The following PLCB1 variants were observed in gnomAD, a reference collection of about 807,000 sequenced individuals.
PLCB1 encodes phospholipase C beta 1, also known as 1-phosphatidylinositol 4,5-bisphosphate phosphodiesterase beta-1.
PLCB1 carries 46 observed loss-of-function variants against 161.8 expected under a neutral mutation model. The ratio of observed to expected loss-of-function variants is 0.28; its 90% CI spans 0.22 to 0.36. PLCB1 has a LOEUF of 0.36. Ranked by LOEUF, PLCB1 falls within the 10% of genes least tolerant of loss-of-function variation. The pLI, the probability that PLCB1 is intolerant of heterozygous loss-of-function variation, is 1.00. For missense variants in PLCB1, 1,016 were observed against 1,472.5 expected, an observed-to-expected ratio of 0.69 and a Z score of 5.07; for synonymous variants, 517 against 503.7, an observed-to-expected ratio of 1.03 and a Z score of -0.35.
intron 3 of PLCB1, among the ~76,000 whole-genome samples, chr20:8,556,321 G>T (rs1985950852): frequency 6.6e-6 from 1 of 152,014 alleles, no homozygotes; most frequent in African/African-American, 2.4e-5. Flanking sequence ...CAGAAAAGCA[G>T]CCATGTAGAG....
Position 8,723,385 on chromosome 20 carries a change from G to C in PLCB1, c.1581+964G>C, listed in dbSNP as rs183223938. On this transcript the variant is annotated intron_variant, in intron 15 of 31. Coordinates refer to ENST00000338037, the MANE Select transcript of PLCB1 (RefSeq NM_015192.4). Reference sequence around the variant, plus strand: ...AATGAATGTTTCCCAGTTAACATTTGACCCAAATATTACTACCAGAATTTT... The same window carrying C: ...AATGAATGTTTCCCAGTTAACATTTCACCCAAATATTACTACCAGAATTTT... 3.7e-3 allele frequency among the ~76,000 whole-genome samples: 565 copies of C among 152,132 alleles called. 2 individuals are homozygous for C. Among genetic ancestry groups the C allele is most frequent in the Non-Finnish European group, 6.6e-3 (446 of 67,984 alleles).
Position 8,685,077 on chromosome 20 carries a change from A to G in PLCB1, c.1008A>G (p.Thr336=). 6.2e-7 allele frequency: 1 copy of G among 1,613,520 alleles called. No individual in the cohort carries two copies. The highest frequency in any genetic ancestry group is 8.5e-7 in the Non-Finnish European group (1 of 1,179,548). The change falls in exon 10 of 32, where the codon ACA becomes ACG. Residue 336 remains threonine (T), a splice_region_variant and synonymous_variant. Transcript: ENST00000338037. The part of the protein sequence containing the change: ...FINSSHNTYL[T]AGQLAGNSSV... ...ATTCCTCGCACAACACCTACCTCAC[A>G]GGTATGAATTTTCTAGTTCTTTGTT...
At chr20:8,261,343 G>A (rs67432256) in intron 2 of PLCB1, among the ~76,000 whole-genome samples, 11,405 of 152,080 alleles carry the variant, frequency 0.075, 509 homozygotes, top group East Asian at 0.16. Flanking sequence ...TTAACAATCA[G>A]GTAAGAACCC....
chr20:8,570,214 C>T (rs1986461525), intron 3 of PLCB1, among the ~76,000 whole-genome samples: 1 of 152,136 alleles, frequency 6.6e-6, no homozygotes. Context: ...CTATCAGCTA[C>T]AAGCCTGTCG....
intron 10 of PLCB1, among the ~76,000 whole-genome samples, chr20:8,690,662 T>C (rs1301298663): frequency 2.0e-5 from 3 of 152,194 alleles, no homozygotes; most frequent in Non-Finnish European, 4.4e-5. Flanking sequence ...AGGTTACGAA[T>C]CTTGTGACTT....
intron 3 of PLCB1, among the ~76,000 whole-genome samples, chr20:8,409,904 TC>T (rs34197579): frequency 6.6e-6 from 1 of 151,890 alleles, no homozygotes; most frequent in Non-Finnish European, 1.5e-5. Context: ...GGGGATGAGG[TC>T]CCCCCATTGA....
chr20:8,581,509 T>G (rs2123079132), intron 3 of PLCB1, among the ~76,000 whole-genome samples: 1 of 152,296 alleles, frequency 6.6e-6, no homozygotes, highest in African/African-American at 2.4e-5. Context: ...GACTGTGAGA[T>G]GAAGTTTTTA....
In PLCB1 at chr20:8,188,608, G is replaced by A. The variant is rs112441606; in HGVS notation, c.177+38237G>A. 5.3e-5 allele frequency among the ~76,000 whole-genome samples: 8 copies of A among 152,242 alleles called. No individual in the cohort carries two copies. The East Asian group carries it at 1.5e-3, about 29-fold the overall frequency. On this transcript the variant is annotated intron_variant, in intron 2 of 31. Transcript: ENST00000338037. ...ATTATGTGCTAATTCTTTCTTAAGA[G>A]TGGCCATCAATTTATAAACTTCCAC...
chr20:8,133,262 G>A (rs1375340640), intron 1 of PLCB1, among the ~76,000 whole-genome samples: 1 of 152,154 alleles, frequency 6.6e-6, no homozygotes, highest in Admixed American at 6.5e-5. Context: ...AGGACACAAC[G>A]GTCCAGCCAA....
chr20:8,294,568 A>G (rs1983540531), intron 2 of PLCB1, among the ~76,000 whole-genome samples: 2 of 151,406 alleles, frequency 1.3e-5, no homozygotes, highest in South Asian at 2.1e-4. Context: ...ACATGTCTAT[A>G]TGTATATGTA....
At chr20:8,629,966 CTT>C (rs1988518393) in intron 4 of PLCB1, among the ~76,000 whole-genome samples, 1 of 14,968 alleles carries the variant, frequency 6.7e-5, no homozygotes, top group Non-Finnish European at 1.7e-4. Flanking sequence ...TTTCTTTCTT[CTT>C]TCTTTCTTTC....
intron 7 of PLCB1, chr20:8,651,414 TG>T: frequency 1.4e-6 from 1 of 721,220 alleles, no homozygotes; most frequent in South Asian, 1.5e-5. Context: ...CTTCTATAGG[TG>T]GAAAAAGCTA....
At chr20:8,263,594 A>T (rs1981814792) in intron 2 of PLCB1, among the ~76,000 whole-genome samples, 1 of 152,132 alleles carries the variant, frequency 6.6e-6, no homozygotes, top group African/African-American at 2.4e-5. Flanking sequence ...GCAAACCTAG[A>T]TGGTAGAGAC....
chr20:8,551,731 G>C (rs983297906), intron 3 of PLCB1, among the ~76,000 whole-genome samples: 1 of 152,120 alleles, frequency 6.6e-6, no homozygotes. Flanking sequence ...GTGGTAGCTT[G>C]CTCAACAGTG....
At chr20:8,514,637 G>A (rs74692901) in intron 3 of PLCB1, among the ~76,000 whole-genome samples, 13,075 of 152,020 alleles carry the variant, frequency 0.086, 624 homozygotes, top group Middle Eastern at 0.11. Context: ...AAACAATACT[G>A]TGCCCCATAG....
chr20:8,581,526 A>T (rs1986832720), intron 3 of PLCB1, among the ~76,000 whole-genome samples: 1 of 152,190 alleles, frequency 6.6e-6, no homozygotes, highest in African/African-American at 2.4e-5. Flanking sequence ...TTTAATTAGA[A>T]TAGAGCTAAA....
chr20:8,419,082 T>A (rs920431567), intron 3 of PLCB1, among the ~76,000 whole-genome samples: 6 of 152,220 alleles, frequency 3.9e-5, no homozygotes, highest in African/African-American at 1.4e-4. Flanking sequence ...AAATTAAAGA[T>A]GTTAAATTAA....
chr20:8,204,441 A>G (rs1041617684), intron 2 of PLCB1, among the ~76,000 whole-genome samples: 1 of 151,848 alleles, frequency 6.6e-6, no homozygotes. Context: ...TATAGTTTGG[A>G]TGTTTGTCCT....
rs1263977737 is a variant in PLCB1, at chr20:8,662,064, TTA to T, written c.862+3364_862+3365del. Among the ~76,000 whole-genome samples, 11 of 8,496 alleles carry T rather than the reference TTA, an allele frequency of 1.3e-3. 1 individual carries two copies. The highest frequency in any genetic ancestry group is 5.6e-3 in the East Asian group (2 of 360). The allele number at this position is 8,496 out of a possible 152,430, so 5.6% of individuals were successfully genotyped here. ...ATAATTATATATAATTATATATTTATTATATTTATTATACAGTTATATAATAA... is the reference window on the plus strand; with the variant it reads ...ATAATTATATATAATTATATATTTATTATTTATTATACAGTTATATAATAA... On this transcript the variant is annotated intron_variant, in intron 9 of 31. Transcript: ENST00000338037.
Sources: gnomAD v4.1 joint callset for allele counts (sites outside exome capture counted in the v4.1 genomes callset) on GRCh38, gnomAD v4.1.1 for gene constraint, MANE v1.5 for transcripts, NCBI Gene and HGNC (gene_info 2026-07-23, HGNC 2026-07-21) for gene names.